ATXN7L1: variants seen among roughly 807,000 people sequenced by gnomAD.
ATXN7L1 encodes ataxin 7 like 1, also known as ataxin-7-like protein 1.
A neutral mutation model predicts 70.8 loss-of-function variants in ATXN7L1; 15 were observed. The ratio of observed to expected loss-of-function variants is 0.21; its 90% CI spans 0.14 to 0.33. The LOEUF (loss-of-function observed/expected upper bound fraction) is 0.33, where lower values mean the gene tolerates loss of function less well. Ranked by LOEUF, ATXN7L1 falls within the 10% of genes least tolerant of loss-of-function variation. The pLI, the probability that ATXN7L1 is intolerant of heterozygous loss-of-function variation, is 1.00. For synonymous variants in ATXN7L1, 440 were observed against 445.1 expected, an observed-to-expected ratio of 0.99 and a Z score of 0.14; for missense variants, 975 against 1,097.1, an observed-to-expected ratio of 0.89 and a Z score of 1.57.
chr7:105,677,954 C>A, intron 3 of ATXN7L1: 3 of 985,438 alleles, frequency 3.0e-6, no homozygotes, highest in Non-Finnish European at 3.6e-6. Flanking sequence ...ACCCCACAGA[C>A]TGTCGTGGTC....
At position 105,605,342 on chromosome 7, in the gene ATXN7L1, A is replaced by G. The variant is rs1220985213; in HGVS notation, c.*2510T>C. 1 of 152,054 alleles carries G rather than the reference A, an allele frequency of 6.6e-6. No individual in the cohort carries two copies. Among genetic ancestry groups the G allele is most frequent in the Non-Finnish European group, 1.5e-5 (1 of 68,004 alleles). 9.4% of individuals were successfully genotyped at this position (152,054 alleles called of 1,614,324 possible). A position where few individuals can be genotyped will look rare whatever the true frequency, so the allele number is the denominator to read the frequency against. On this transcript the variant is annotated 3_prime_UTR_variant, in exon 12 of 12. Transcript: ENST00000419735. ...TCAAGCTGCAAGTTTTTAATACATCATTGTAAAGTAAACCTGTGGTTGACT... is the reference window on the plus strand; with the variant it reads ...TCAAGCTGCAAGTTTTTAATACATCGTTGTAAAGTAAACCTGTGGTTGACT...
At chr7:105,710,255 T>G (rs1793716853) in intron 3 of ATXN7L1, among the ~76,000 whole-genome samples, 1 of 152,136 alleles carries the variant, frequency 6.6e-6, no homozygotes, top group South Asian at 2.1e-4. Flanking sequence ...GAGGTTTAAT[T>G]GACTCACAGT....
intron 2 of ATXN7L1, among the ~76,000 whole-genome samples, chr7:105,795,357 A>T (rs1226082432): frequency 6.6e-6 from 1 of 152,226 alleles, no homozygotes; most frequent in African/African-American, 2.4e-5. Flanking sequence ...TATAAACTTT[A>T]GTTTATATCC....
intron 3 of ATXN7L1, among the ~76,000 whole-genome samples, chr7:105,777,265 C>G (rs777862355): frequency 5.3e-5 from 8 of 152,210 alleles, no homozygotes; most frequent in Non-Finnish European, 7.3e-5. Flanking sequence ...ACTGAGGGTA[C>G]TGCCAGCCTA....
chr7:105,658,216 C>CAA (rs11317370), intron 4 of ATXN7L1, among the ~76,000 whole-genome samples: 3,283 of 142,200 alleles, frequency 0.023, 45 homozygotes, highest in Non-Finnish European at 0.033. Flanking sequence ...TACCCCATCT[C>CAA]AAAAAAAAAA....
At position 105,614,149 on chromosome 7, in the gene ATXN7L1, T is replaced by G; in HGVS notation, c.2185A>C (p.Ile729Leu). The change falls in exon 10 of 12, where the codon ATA (isoleucine) becomes CTA (leucine). Residue 729 changes from isoleucine to leucine, a missense_variant. This residue lies in a region of ATXN7L1 where 635 missense variants were observed against 699.4 expected (regional missense o/e 0.91). Transcript: ENST00000419735. The surrounding 1 kb of genome is among the most constrained non-coding windows in gnomAD (Gnocchi z 4.3). ...RTSLPGGPAD[I>L]VRQVGAVGGS... ...CCCACCGCGCCCACCTGTCTCACTA[T>G]GTCCGCGGGGCCGCCGGGCAGCGAG... is the stretch of plus-strand genomic sequence containing the variant. 6.4e-7 allele frequency: 1 copy of G among 1,551,680 alleles called. No individual in the cohort carries two copies.
At chr7:105,829,391 C>T (rs549453905) in intron 2 of ATXN7L1, among the ~76,000 whole-genome samples, 5 of 152,210 alleles carry the variant, frequency 3.3e-5, no homozygotes, top group South Asian at 2.1e-4. Flanking sequence ...TGCAATGAGC[C>T]GAGATCAGGC....
chr7:105,874,660 T>C (rs796463435), intron 2 of ATXN7L1, among the ~76,000 whole-genome samples: 35 of 152,368 alleles, frequency 2.3e-4, no homozygotes, highest in African/African-American at 8.4e-4. Flanking sequence ...TTAACCTTCA[T>C]GTTATTTTTT....
At chr7:105,769,730 A>G (rs1801735453) in intron 3 of ATXN7L1, among the ~76,000 whole-genome samples, 1 of 152,170 alleles carries the variant, frequency 6.6e-6, no homozygotes, top group Admixed American at 6.5e-5. Context: ...AGAAGGCATA[A>G]GTGTCTCTGA....
intron 7 of ATXN7L1, among the ~76,000 whole-genome samples, chr7:105,629,710 A>G (rs1008807365): frequency 3.3e-5 from 5 of 150,694 alleles, no homozygotes; most frequent in African/African-American, 1.2e-4. Flanking sequence ...TAGAGATGGG[A>G]TTAAGCCATG....
At chr7:105,645,640 C>CAA (rs34135377) in intron 4 of ATXN7L1, among the ~76,000 whole-genome samples, 2,729 of 123,968 alleles carry the variant, frequency 0.022, 80 homozygotes, top group African/African-American at 0.074. Context: ...GCTAAAAATC[C>CAA]AAAAAAAAAA....
intron 4 of ATXN7L1, among the ~76,000 whole-genome samples, chr7:105,644,000 C>A (rs1798635124): frequency 6.6e-6 from 1 of 152,150 alleles, no homozygotes; most frequent in African/African-American, 2.4e-5. Flanking sequence ...TGCTTTGGTC[C>A]CTGAGCTAGA....
intron 2 of ATXN7L1, among the ~76,000 whole-genome samples, chr7:105,805,138 T>A (rs776460705): frequency 3.3e-5 from 5 of 152,220 alleles, no homozygotes; most frequent in Non-Finnish European, 7.3e-5. Flanking sequence ...AGGGCTAACC[T>A]GAGCCAGACA....
intron 9 of ATXN7L1, among the ~76,000 whole-genome samples, chr7:105,615,388 A>C (rs1240705617): frequency 1.3e-5 from 2 of 152,080 alleles, no homozygotes; most frequent in Non-Finnish European, 2.9e-5. Flanking sequence ...GGCCCTCTCC[A>C]AGGCCAGCAT....
Position 105,786,681 on chromosome 7 carries a change from G to A in ATXN7L1, c.355+1923C>T, listed in dbSNP as rs1024084055. On this transcript the variant is annotated intron_variant, in intron 3 of 11. Coordinates refer to ENST00000419735, the MANE Select transcript of ATXN7L1 (RefSeq NM_020725.2). ...ACTTACAGGTATACCACCACACCTGGCTAAATTTTTTTTTTAAGAAATGGG... is the reference window on the plus strand; with the variant it reads ...ACTTACAGGTATACCACCACACCTGACTAAATTTTTTTTTTAAGAAATGGG... Among the ~76,000 whole-genome samples the A allele has an allele frequency of 2.0e-5, 3 of 151,198 alleles. No homozygotes were observed. The Admixed American group carries it at 2.0e-4, about 10-fold the overall frequency.
chr7:105,783,477 T>C (rs1283697950), intron 3 of ATXN7L1, among the ~76,000 whole-genome samples: 1 of 152,186 alleles, frequency 6.6e-6, no homozygotes, highest in Non-Finnish European at 1.5e-5. Context: ...AGTTTCAGGC[T>C]GGGGGCCGGT....
intron 7 of ATXN7L1, among the ~76,000 whole-genome samples, chr7:105,629,799 T>TGAGCCACTGCACCAGGCTGAA (rs1360213816): frequency 6.6e-6 from 1 of 151,244 alleles, no homozygotes. Flanking sequence ...ATTACAGGTG[T>TGAGCCACTGCACCAGGCTGAA]AGGCCTCCGT....
intron 3 of ATXN7L1, among the ~76,000 whole-genome samples, chr7:105,684,498 A>G (rs190291552): frequency 6.6e-6 from 1 of 152,278 alleles, no homozygotes; most frequent in East Asian, 1.9e-4. Flanking sequence ...CAGAGATCCA[A>G]TCTAGATTTT....
intron 3 of ATXN7L1, among the ~76,000 whole-genome samples, chr7:105,682,131 G>A (rs1296999634): frequency 1.3e-5 from 2 of 151,008 alleles, no homozygotes; most frequent in East Asian, 3.9e-4. Flanking sequence ...AGGCTGAGGT[G>A]GGAGGATGGC....
Sources: allele counts gnomAD v4.1 joint callset (sites outside exome capture counted in the v4.1 genomes callset), GRCh38; gene constraint gnomAD v4.1.1; regional missense constraint gnomAD v4.1.1; non-coding constraint Gnocchi (gnomAD v3.1); transcripts MANE v1.5; gene names NCBI Gene and HGNC (gene_info 2026-07-23, HGNC 2026-07-21).